Variants in UBAP1L observed in about 807,000 individuals in gnomAD.
UBAP1L encodes the protein ubiquitin-associated protein 1-like.
UBAP1L carries 32 observed loss-of-function variants against 32.1 expected under a neutral mutation model. That is an observed-to-expected ratio of 1.00 (90% CI 0.75 to 1.34). UBAP1L has a LOEUF of 1.34. Among genes scored for constraint, UBAP1L ranks in the 40% most tolerant of loss-of-function variants. The pLI is 0.00. For missense variants in UBAP1L, 516 were observed against 540.5 expected, an observed-to-expected ratio of 0.95 and a Z score of 0.45; for synonymous variants, 243 against 250.2, an observed-to-expected ratio of 0.97 and a Z score of 0.27.
chr15:65,104,931 G>A (rs1273807197), intron 2 of UBAP1L: 11 of 408,730 alleles, frequency 2.7e-5, no homozygotes, highest in African/African-American at 1.5e-4. Context: ...CACTTGAACC[G>A]AGGAGTCGGA....
In UBAP1L at chr15:65,102,375, A is replaced by G; in HGVS notation, c.430T>C (p.Ser144Pro). 6.8e-7 allele frequency: 1 copy of G among 1,466,348 alleles called. No homozygotes were observed. 90.8% of individuals were successfully genotyped at this position (1,466,348 alleles called of 1,614,324 possible). ...CGCACGCCGCGTAGCACGTCCAGCG[A>G]GCACAGGCGACGGCCGGGGCCGGGG... ...ASPGPGRRLC[S>P]LDVLRGVRLE... The change falls in exon 3 of 6, where the codon TCG becomes CCG. Residue 144 changes from serine (S) to proline (P), a missense_variant. Coordinates refer to ENST00000559089, the MANE Select transcript of UBAP1L (RefSeq NM_001163692.2). The surrounding 1 kb of genome is among the most constrained non-coding windows in gnomAD (Gnocchi z 5.0).
At chr15:65,109,532 A>C (rs1325947894) in intron 1 of UBAP1L, among the ~76,000 whole-genome samples, 1 of 151,846 alleles carries the variant, frequency 6.6e-6, no homozygotes, top group African/African-American at 2.4e-5. Context: ...TATACCATTA[A>C]GAGAGTTAAA....
intron 1 of UBAP1L, among the ~76,000 whole-genome samples, chr15:65,109,495 A>C (rs953561391): frequency 6.6e-6 from 1 of 151,172 alleles, no homozygotes; most frequent in Non-Finnish European, 1.5e-5. Flanking sequence ...AAAAAAAAAA[A>C]AAAAAAAAAA....
At chr15:65,107,405 T>C (rs2087326436) in intron 1 of UBAP1L, among the ~76,000 whole-genome samples, 1 of 151,536 alleles carries the variant, frequency 6.6e-6, no homozygotes, top group South Asian at 2.1e-4. Flanking sequence ...GTAAATCATG[T>C]AAATGGACTC....
Position 65,099,488 on chromosome 15 carries a change from TGGG to T in UBAP1L, c.909+14_909+16del, listed in dbSNP as rs2087214882. The T allele has an allele frequency of 6.5e-7, 1 of 1,548,562 alleles. No individual in the cohort carries two copies. Among genetic ancestry groups the T allele is most frequent in the Admixed American group, 2.0e-5 (1 of 50,948 alleles). ...CTCCAGCATCACAGCTCATCAGCTC[TGGG>T]TCCCCCAACTCACCTGGCTCAGGCT... On this transcript the variant is annotated intron_variant, in intron 4 of 5. Coordinates refer to ENST00000559089, the MANE Select transcript of UBAP1L (RefSeq NM_001163692.2).
chr15:65,104,576 T>A lies in UBAP1L; in HGVS notation c.120+1520A>T, dbSNP rs143326031. Among the ~76,000 whole-genome samples, 585 of 152,208 alleles carry A rather than the reference T, an allele frequency of 3.8e-3. 2 individuals are homozygous for A. The highest frequency in any genetic ancestry group is 9.9e-3 in the Admixed American group (152 of 15,298). On this transcript the variant is annotated intron_variant, in intron 2 of 5. Transcript: ENST00000559089. ...CTCAAGCAATAGGAGAACGATAAAGTTCTGGTCAATAAATAGTGTTAGGCT... is the reference window on the plus strand; with the variant it reads ...CTCAAGCAATAGGAGAACGATAAAGATCTGGTCAATAAATAGTGTTAGGCT...
At chr15:65,111,531 G>C (rs944793718) in intron 1 of UBAP1L, among the ~76,000 whole-genome samples, 7 of 152,144 alleles carry the variant, frequency 4.6e-5, no homozygotes, top group African/African-American at 1.7e-4. Flanking sequence ...TCCCAGGCTG[G>C]AGTGCAGTAG....
At chr15:65,105,600 C>T (rs1480201337) in intron 2 of UBAP1L, 5 of 619,134 alleles carry the variant, frequency 8.1e-6, no homozygotes, top group South Asian at 1.5e-5. Flanking sequence ...TTCAAATTTT[C>T]GTGTTCACTT....
At chr15:65,101,561 G>C (rs1411791998) in intron 3 of UBAP1L, 1 of 152,328 alleles carries the variant, frequency 6.6e-6, no homozygotes, top group Non-Finnish European at 1.5e-5. Flanking sequence ...AACTCTTCAT[G>C]TCCTGTGGTT....
Position 65,094,895 on chromosome 15 carries a change from TCCCAC to T in UBAP1L, c.910-324_910-320del. ...GCAGGACAGGCTTCAAACACAGACA[TCCCAC>T]CTACCACCCAACGCAATTCAACATT... On this transcript the variant is annotated intron_variant, in intron 4 of 5. Transcript: ENST00000559089. The surrounding 1 kb of genome is among the most constrained non-coding windows in gnomAD (Gnocchi z 4.2). 3 of 391,540 alleles carry T rather than the reference TCCCAC, an allele frequency of 7.7e-6. No homozygotes were observed. The highest frequency in any genetic ancestry group is 9.6e-6 in the Non-Finnish European group (2 of 207,816). The allele number at this position is 391,540 out of a possible 1,614,324, so 24.3% of individuals were successfully genotyped here. A position where few individuals can be genotyped will look rare whatever the true frequency, so the allele number is the denominator to read the frequency against.
chr15:65,110,100 C>A lies in UBAP1L; in HGVS notation c.-173-3712G>T, dbSNP rs2087358055. ...AATCGGCCGGGCGCGGTGGCTCACG[C>A]CTGTAATCCCAGCACTTTGGGAGGC... On this transcript the variant is annotated intron_variant, in intron 1 of 5. Transcript: ENST00000559089. Among the ~76,000 whole-genome samples, 6 of 152,320 alleles carry A rather than the reference C, an allele frequency of 3.9e-5. No homozygotes were observed. In the South Asian group the frequency reaches 1.2e-3, roughly 32 times the overall value.
rs2087219327 is a variant in UBAP1L, at chr15:65,099,733, G to C, written c.700-19C>G. ...TGAGGGACTGAAATACAGACAGACT[G>C]GACATGTCAGTTACTACAGGAAGTG... On this transcript the variant is annotated intron_variant, in intron 3 of 5. Coordinates refer to ENST00000559089, the MANE Select transcript of UBAP1L (RefSeq NM_001163692.2). The C allele has an allele frequency of 2.0e-6, 3 of 1,531,856 alleles. No homozygotes were observed. In the South Asian group the frequency reaches 3.7e-5, roughly 19 times the overall value. The allele number at this position is 1,531,856 out of a possible 1,614,324, so 94.9% of individuals were successfully genotyped here.
chr15:65,102,423 G>A lies in UBAP1L; in HGVS notation c.382C>T (p.Leu128Phe). The A allele has an allele frequency of 7.0e-7, 1 of 1,425,916 alleles. No individual in the cohort carries two copies. Among genetic ancestry groups the A allele is most frequent in the Non-Finnish European group, 9.1e-7 (1 of 1,093,732 alleles). The allele number at this position is 1,425,916 out of a possible 1,614,324, so 88.3% of individuals were successfully genotyped here. ...GSEEEPAPSS[L>F]QPGSPASPGP... ...GGGCTCGCCGGGGAGCCCGGTTGGA[G>A]GCTGCTGGGGGCCGGCTCTTCCTCG... is the stretch of plus-strand genomic sequence containing the variant. The change falls in exon 3 of 6, where the codon CTC becomes TTC. Residue 128 changes from leucine (L) to phenylalanine (F), a missense_variant. Transcript: ENST00000559089. The surrounding 1 kb of genome is among the most constrained non-coding windows in gnomAD (Gnocchi z 5.0).
chr15:65,102,647 A>G lies in UBAP1L; in HGVS notation c.158T>C (p.Val53Ala). ...GCTGGGTCCCTGGCCGGCGGCCTCC[A>G]CCCAGAAGAGTGCCGTCCTCTCCAG... The part of the protein sequence containing the change: ...FSLERTALFW[V>A]EAAGQGPSPY... Residue 53 changes from valine to alanine, a missense_variant, in exon 3 of 6, where the codon GTG (valine) becomes GCG (alanine). Val to Ala is a moderately conservative substitution (Grantham distance 64). Transcript: ENST00000559089. The surrounding 1 kb of genome is among the most constrained non-coding windows in gnomAD (Gnocchi z 5.0). The G allele has an allele frequency of 6.5e-7, 1 of 1,548,952 alleles. No homozygotes were observed.
chr15:65,094,578 T>C lies in UBAP1L; in HGVS notation c.910-2A>G. On this transcript the variant is annotated splice_acceptor_variant, in intron 4 of 5. Transcript: ENST00000559089. LOFTEE classifies it high-confidence loss of function. This position sits in a 1 kb window ranked among gnomAD's most constrained non-coding sequence, Gnocchi z 4.2. ...ACAGGCACTGAGGTAGCTGAGAAAC[T>C]GGGCCGGAAGCGGGCAGAGAGGGAG... 1 of 1,550,762 alleles carries C rather than the reference T, an allele frequency of 6.4e-7. No individual in the cohort carries two copies. The highest frequency in any genetic ancestry group is 8.7e-7 in the Non-Finnish European group (1 of 1,146,580).
At chr15:65,104,463 G>C (rs1436314221) in intron 2 of UBAP1L, among the ~76,000 whole-genome samples, 1 of 152,154 alleles carries the variant, frequency 6.6e-6, no homozygotes, top group African/African-American at 2.4e-5. Context: ...CTATGGTACT[G>C]GCACAGACAG....
Position 65,106,097 on chromosome 15 carries a change from A to C in UBAP1L, c.119T>G (p.Met40Arg). Residue 40 changes from methionine to arginine, a missense_variant and splice_region_variant, in exon 2 of 6, where the codon ATG (methionine) becomes AGG (arginine). By Grantham distance (91) the Met-to-Arg change is moderately conservative. Transcript: ENST00000559089. ...ACAGAAACACAGAGACACACTTACC[A>C]TAGAACCCAGCAGAACTTCCCCGCA... ...PACGEVLLGS[M>R]HDFSLERTAL... is the part of the protein sequence containing the mutation. 1 of 1,551,466 alleles carries C rather than the reference A, an allele frequency of 6.4e-7. No homozygotes were observed. Among genetic ancestry groups the C allele is most frequent in the Non-Finnish European group, 8.7e-7 (1 of 1,146,936 alleles).
intron 1 of UBAP1L, among the ~76,000 whole-genome samples, chr15:65,111,341 C>G (rs1254389016): frequency 1.3e-5 from 2 of 152,218 alleles, no homozygotes; most frequent in African/African-American, 4.8e-5. Flanking sequence ...GGAAGGGACA[C>G]AGTTCTATTG....
chr15:65,093,149 T>G lies in UBAP1L; in HGVS notation c.1094A>C (p.His365Pro). 2 of 1,550,144 alleles carry G rather than the reference T, an allele frequency of 1.3e-6. No individual in the cohort carries two copies. Among genetic ancestry groups the G allele is most frequent in the South Asian group, 1.2e-5 (1 of 83,980 alleles). ...QDRIKEVLLV[H>P]GNRREQALEE... ...CAGGGCTTGCTCTCGGCGGTTGCCA[T>G]GGACCAGCAGCACCTCCTTGATCCG... Residue 365 changes from histidine (H) to proline (P), a missense_variant, in exon 6 of 6, where the codon CAT becomes CCT. Coordinates refer to ENST00000559089, the MANE Select transcript of UBAP1L (RefSeq NM_001163692.2).
Sources: gnomAD v4.1 joint callset for allele counts (sites outside exome capture counted in the v4.1 genomes callset) on GRCh38, gnomAD v4.1.1 for gene constraint, Gnocchi (gnomAD v3.1) non-coding constraint, MANE v1.5 for transcripts, NCBI Gene and HGNC (gene_info 2026-07-23, HGNC 2026-07-21) for gene names.